The following PDHB variants were observed in gnomAD, a reference collection of about 807,000 sequenced individuals.
PDHB encodes pyruvate dehydrogenase E1 component subunit beta, mitochondrial.
PDHB carries 17 observed loss-of-function variants against 42.8 expected under a neutral mutation model. The observed-to-expected ratio is 0.40, with a 90% CI of 0.27 to 0.60. PDHB has a LOEUF of 0.60. PDHB is among the 20% of genes least tolerant of loss of function. The pLI, the probability that PDHB is intolerant of heterozygous loss-of-function variation, is 0.46. For synonymous variants in PDHB, 154 were observed against 148.7 expected (o/e 1.04, Z -0.26); for missense variants, 322 against 451.3 (o/e 0.71, Z 2.60).
Position 58,428,177 on chromosome 3 carries a change from G to C in PDHB, c.937C>G (p.Pro313Ala), listed in dbSNP as rs201105914. ...AEICARIMEG[P>A]AFNFLDAPAV... ...GGAGCATCCAGGAAATTGAACGCAG[G>C]ACCTAGGAGAAGGAAGGCTCAACTG... Residue 313 changes from proline (P) to alanine (A), a missense_variant and splice_region_variant, in exon 10 of 10, where the codon CCT becomes GCT. Pro to Ala is a conservative substitution (Grantham distance 27). Around this residue, in one of 3 missense-constraint regions of PDHB, gnomAD observed 208 missense variants for 285.0 expected, o/e 0.73. Transcript: ENST00000302746. The C allele has an allele frequency of 2.8e-5, 45 of 1,613,910 alleles. 1 individual carries two copies. Among genetic ancestry groups the C allele is most frequent in the Admixed American group, 5.0e-5 (3 of 60,002 alleles).
intron 2 of PDHB, chr3:58,433,245 G>A: frequency 3.1e-6 from 1 of 325,556 alleles, no homozygotes; most frequent in East Asian, 7.5e-5. Context: ...TGCTTGGGAT[G>A]ATTAAAAAGT....
Position 58,433,797 on chromosome 3 carries a change from A to C in PDHB, c.13T>G (p.Ser5Ala). 2 of 1,611,714 alleles carry C rather than the reference A, an allele frequency of 1.2e-6. No individual in the cohort carries two copies. The highest frequency in any genetic ancestry group is 1.1e-5 in the South Asian group (1 of 90,768). The change falls in exon 1 of 10, where the codon TCT becomes GCT. Residue 5 changes from serine to alanine, a missense_variant. Ser to Ala is a moderately conservative substitution (Grantham distance 99, BLOSUM62 1). Coordinates refer to ENST00000302746, the MANE Select transcript of PDHB (RefSeq NM_000925.4). Reference sequence around the variant, plus strand: ...CGAAGGGGTCTCCGCACCAAGCCAGACACCGCCGCCATCTTGGTCGTGTCC... The same window carrying C: ...CGAAGGGGTCTCCGCACCAAGCCAGCCACCGCCGCCATCTTGGTCGTGTCC... MAAV[S>A]GLVRRPLREV...
chr3:58,428,773 G>A (rs1576955588), intron 8 of PDHB, 159 bp from the exon 9 acceptor site: 1 of 652,776 alleles, frequency 1.5e-6, no homozygotes, highest in Non-Finnish European at 2.6e-6. Context: ...AACTGTAAAA[G>A]GAAAAATTTT....
In PDHB at chr3:58,433,813, G is replaced by A. The variant is rs778465584; in HGVS notation, c.-4C>T. On this transcript the variant is annotated 5_prime_UTR_variant, in exon 1 of 10. Transcript: ENST00000302746. ...CCAAGCCAGACACCGCCGCCATCTT[G>A]GTCGTGTCCTCTATCCGCTGCCAAA... 5.2e-5 allele frequency: 84 copies of A among 1,610,594 alleles called. 2 individuals are homozygous for A. The South Asian group carries it at 7.7e-4, about 15-fold the overall frequency.
intron 6 of PDHB, 40 bp from the exon 7 acceptor site, chr3:58,430,278 A>G: frequency 7.7e-7 from 1 of 1,292,906 alleles, no homozygotes; most frequent in East Asian, 2.3e-5. Context: ...AATTAATCAC[A>G]TCCAGAATGA....
At chr3:58,433,456 T>C (rs2062941289) in intron 2 of PDHB, 175 bp downstream of exon 2, 5 of 675,752 alleles carry the variant, frequency 7.4e-6, no homozygotes, top group Admixed American at 2.4e-5. Flanking sequence ...GACTCGCCGG[T>C]GTGCTAATTG....
chr3:58,431,030 A>G lies in PDHB; in HGVS notation c.304-88T>C. ...ATCACTCCAAGTCTTCCAACATTCA[A>G]ATAATGTTTTTATTTTTTATTTTTA... is the stretch of plus-strand genomic sequence containing the variant. On this transcript the variant is annotated intron_variant, in intron 5 of 9. Coordinates refer to ENST00000302746, the MANE Select transcript of PDHB (RefSeq NM_000925.4). This position sits in a 1 kb window ranked among gnomAD's most constrained non-coding sequence, Gnocchi z 4.4. 13 of 1,270,910 alleles carry G rather than the reference A, an allele frequency of 1.0e-5. No homozygotes were observed. The highest frequency in any genetic ancestry group is 1.5e-5 in the Non-Finnish European group (13 of 876,776). 78.7% of individuals were successfully genotyped at this position (1,270,910 alleles called of 1,614,324 possible). A position where few individuals can be genotyped will look rare whatever the true frequency, so the allele number is the denominator to read the frequency against.
rs4585221 is a variant in PDHB at position 58,429,840 on chromosome 3, C to T, written c.701-41G>A. 0.083 allele frequency: 97,076 copies of T among 1,171,804 alleles called. 4,441 individuals are homozygous for T. The highest frequency in any genetic ancestry group is 0.13 in the Middle Eastern group (704 of 5,272). 72.6% of individuals were successfully genotyped at this position (1,171,804 alleles called of 1,614,324 possible). ...TCACAGATCAGAGATCAGGTTGAAACTGAAGATGCTACACCACTGTGCCGC... is the reference window on the plus strand; with the variant it reads ...TCACAGATCAGAGATCAGGTTGAAATTGAAGATGCTACACCACTGTGCCGC... On this transcript the variant is annotated intron_variant, in intron 7 of 9. Coordinates refer to ENST00000302746, the MANE Select transcript of PDHB (RefSeq NM_000925.4).
chr3:58,428,175 A>G lies in PDHB; in HGVS notation c.939T>C (p.Pro313=), dbSNP rs1576955073. ...CAGGAGCATCCAGGAAATTGAACGC[A>G]GGACCTAGGAGAAGGAAGGCTCAAC... ...AEICARIMEG[P]AFNFLDAPAV... is the part of the protein sequence containing the mutation. Residue 313 remains proline (P), a synonymous_variant, in exon 10 of 10, where the codon CCT becomes CCC. Coordinates refer to ENST00000302746, the MANE Select transcript of PDHB (RefSeq NM_000925.4). The G allele has an allele frequency of 6.2e-7, 1 of 1,614,026 alleles. No homozygotes were observed. The highest frequency in any genetic ancestry group is 8.5e-7 in the Non-Finnish European group (1 of 1,179,860).
At position 58,431,851 on chromosome 3, in the gene PDHB, G is replaced by A. The variant is rs369848168; in HGVS notation, c.204+26C>T. On this transcript the variant is annotated intron_variant, in intron 3 of 9. Coordinates refer to ENST00000302746, the MANE Select transcript of PDHB (RefSeq NM_000925.4). This position sits in a 1 kb window ranked among gnomAD's most constrained non-coding sequence, Gnocchi z 4.4. ...TGGGGGTAACAGTGACCTCAATTTT[G>A]TATAACTTTCATATATTTTAGTTAC... The A allele has an allele frequency of 6.2e-6, 10 of 1,605,644 alleles. No individual in the cohort carries two copies. The African/African-American group carries it at 1.3e-4, about 21-fold the overall frequency.
intron 2 of PDHB, chr3:58,432,858 G>A (rs1018930037): frequency 6.6e-6 from 1 of 152,242 alleles, no homozygotes; most frequent in African/African-American, 2.4e-5. Flanking sequence ...AATTAGCCCG[G>A]TGTGGTGGCA....
rs2062915325 is a variant in PDHB at position 58,431,019 on chromosome 3, T to A, written c.304-77A>T. 1.1e-5 allele frequency: 14 copies of A among 1,313,830 alleles called. No individual in the cohort carries two copies. In the South Asian group the frequency reaches 1.7e-4, roughly 16 times the overall value. The allele number at this position is 1,313,830 out of a possible 1,614,324, so 81.4% of individuals were successfully genotyped here. ...GTAGCAAACAAATCACTCCAAGTCT[T>A]CCAACATTCAAATAATGTTTTTATT... On this transcript the variant is annotated intron_variant, in intron 5 of 9. Coordinates refer to ENST00000302746, the MANE Select transcript of PDHB (RefSeq NM_000925.4). The surrounding 1 kb of genome is among the most constrained non-coding windows in gnomAD (Gnocchi z 4.4).
intron 1 of PDHB, 37 bp from the exon 2 acceptor site, chr3:58,433,721 G>C: frequency 1.2e-6 from 2 of 1,612,354 alleles, no homozygotes; most frequent in Admixed American, 3.3e-5. Flanking sequence ...CGGGACGCAG[G>C]GTGGGCAGGG....
intron 1 of PDHB, 40 bp from the exon 2 acceptor site, chr3:58,433,724 G>A: frequency 1.2e-6 from 2 of 1,612,418 alleles, no homozygotes; most frequent in Middle Eastern, 1.7e-4. Context: ...GACGCAGGGT[G>A]GGCAGGGGTC....
Position 58,428,544 on chromosome 3 carries a change from T to C in PDHB, c.863A>G (p.His288Arg). Residue 288 changes from histidine (H) to arginine (R), a missense_variant, in exon 9 of 10, where the codon CAT becomes CGT. By Grantham distance (29) the His-to-Arg change is conservative. Around this residue, in one of 3 missense-constraint regions of PDHB, gnomAD observed 208 missense variants for 285.0 expected, o/e 0.73. Coordinates refer to ENST00000302746, the MANE Select transcript of PDHB (RefSeq NM_000925.4). Reference sequence around the variant, plus strand: ...CCAGCCTCCTTCCACAGTTACAAGATGATTTGTCTTCATGACACTGGCTTC... The same window carrying C: ...CCAGCCTCCTTCCACAGTTACAAGACGATTTGTCTTCATGACACTGGCTTC... ...TIEASVMKTNHLVTVEGGWPQ... is the reference protein window; with the variant it reads ...TIEASVMKTNRLVTVEGGWPQ... 4 of 1,613,966 alleles carry C rather than the reference T, an allele frequency of 2.5e-6. No individual in the cohort carries two copies. The highest frequency in any genetic ancestry group is 3.4e-6 in the Non-Finnish European group (4 of 1,179,822).
chr3:58,430,060 T>G (rs2062907019), intron 7 of PDHB, 68 bp downstream of exon 7: 1 of 952,118 alleles, frequency 1.1e-6, no homozygotes, highest in African/African-American at 1.6e-5. Context: ...CAGTAACTTC[T>G]AGATTAAATT....
Position 58,433,552 on chromosome 3 carries a change from C to G in PDHB, c.96+79G>C, listed in dbSNP as rs950591369. On this transcript the variant is annotated intron_variant, in intron 2 of 9. Coordinates refer to ENST00000302746, the MANE Select transcript of PDHB (RefSeq NM_000925.4). Reference sequence around the variant, plus strand: ...CCCACGGCGCCGGAAGGCCACAGCGCAGGCGCGACTCCGGCCTCCTTCCCG... The same window carrying G: ...CCCACGGCGCCGGAAGGCCACAGCGGAGGCGCGACTCCGGCCTCCTTCCCG... The G allele has an allele frequency of 2.0e-6, 3 of 1,467,034 alleles. No individual in the cohort carries two copies. The African/African-American group carries it at 4.2e-5, about 20-fold the overall frequency. 90.9% of individuals were successfully genotyped at this position (1,467,034 alleles called of 1,614,324 possible).
intron 2 of PDHB, 83 bp downstream of exon 2, chr3:58,433,548 A>T: frequency 6.9e-7 from 1 of 1,452,336 alleles, no homozygotes; most frequent in Non-Finnish European, 9.4e-7. Context: ...GGAAGGCCAC[A>T]GCGCAGGCGC....
rs767645261 is a variant in PDHB, at chr3:58,433,618, C to A, written c.96+13G>T. 5 of 1,607,868 alleles carry A rather than the reference C, an allele frequency of 3.1e-6. No individual in the cohort carries two copies. In the South Asian group the frequency reaches 5.6e-5, roughly 18 times the overall value. On this transcript the variant is annotated intron_variant, in intron 2 of 9. Coordinates refer to ENST00000302746, the MANE Select transcript of PDHB (RefSeq NM_000925.4). The stretch of plus-strand genomic sequence containing the variant: ...CTCCCCGCCCTCGTCCGACGAGCAC[C>A]CGCGCCTGTTACCTGCAGCGCAGCC...
Sources: gnomAD v4.1 joint callset for allele counts on GRCh38, gnomAD v4.1.1 for gene constraint, gnomAD v4.1.1 regional missense constraint, Gnocchi (gnomAD v3.1) non-coding constraint, MANE v1.5 for transcripts, NCBI Gene and HGNC (gene_info 2026-07-23, HGNC 2026-07-21) for gene names.